The following CUX1 variants were observed in gnomAD, a reference collection of about 807,000 sequenced individuals.
The protein encoded by CUX1 is cut like homeobox 1, also known as protein CASP.
A neutral mutation model predicts 158.8 loss-of-function variants in CUX1; 31 were observed. That is an observed-to-expected ratio of 0.20 (90% confidence interval 0.15 to 0.26). CUX1 has a LOEUF of 0.26. Among genes scored for constraint, CUX1 ranks in the 10% least tolerant of loss-of-function variants. The pLI is 1.00. For synonymous variants in CUX1, 879 were observed against 862.1 expected (o/e 1.02, Z -0.34); for missense variants, 1,589 against 2,014.6 (o/e 0.79, Z 4.04).
At chr7:101,976,814 A>G (rs1264590865) in intron 2 of CUX1, among the ~76,000 whole-genome samples, 3 of 150,912 alleles carry the variant, frequency 2.0e-5, no homozygotes, top group African/African-American at 7.3e-5. Flanking sequence ...AAACAAAAGT[A>G]GCTCCAACTT....
chr7:101,941,390 C>T (rs1213435510), intron 2 of CUX1, among the ~76,000 whole-genome samples: 2 of 152,200 alleles, frequency 1.3e-5, no homozygotes, highest in South Asian at 2.1e-4. Flanking sequence ...GTCTGCTTAG[C>T]GGTAGCTGGA....
At chr7:102,011,645 T>G (rs1818040963) in intron 2 of CUX1, among the ~76,000 whole-genome samples, 1 of 151,368 alleles carries the variant, frequency 6.6e-6, no homozygotes, top group African/African-American at 2.4e-5. Context: ...CCTCCCAAAG[T>G]GCTGAGATTA....
Position 102,201,270 on chromosome 7 carries a change from A to G in CUX1, c.2063-90A>G. The G allele has an allele frequency of 6.5e-7, 1 of 1,532,958 alleles. No homozygotes were observed. Among genetic ancestry groups the G allele is most frequent in the South Asian group, 1.2e-5 (1 of 80,368 alleles). 95.0% of individuals were successfully genotyped at this position (1,532,958 alleles called of 1,614,324 possible). A position where few individuals can be genotyped will look rare whatever the true frequency, so the allele number is the denominator to read the frequency against. ...AGTGTGGTTCTCCCAAATAACCCAC[A>G]CTTTGCAGTAGGTCAAGTTAGGATG... On this transcript the variant is annotated intron_variant, in intron 17 of 23. Transcript: ENST00000292535. The surrounding 1 kb of genome is among the most constrained non-coding windows in gnomAD (Gnocchi z 5.0).
chr7:101,910,034 C>T (rs1350063892), intron 1 of CUX1, among the ~76,000 whole-genome samples: 1 of 152,194 alleles, frequency 6.6e-6, no homozygotes, highest in Non-Finnish European at 1.5e-5. Flanking sequence ...ATTCTCCTGC[C>T]TCAGCCTCTC....
At chr7:101,991,255 A>G (rs1209119194) in intron 2 of CUX1, among the ~76,000 whole-genome samples, 1 of 152,226 alleles carries the variant, frequency 6.6e-6, no homozygotes, top group Non-Finnish European at 1.5e-5. Context: ...GTCCCCCTAC[A>G]CCACCACCGT....
chr7:101,925,938 A>AAAAC (rs140430768), intron 2 of CUX1, among the ~76,000 whole-genome samples: 42 of 151,570 alleles, frequency 2.8e-4, no homozygotes, highest in South Asian at 6.3e-4. Flanking sequence ...CCCCCGTCTC[A>AAAAC]AAACAAACAA....
At chr7:102,009,554 A>G (rs1487529528) in intron 2 of CUX1, among the ~76,000 whole-genome samples, 1 of 152,182 alleles carries the variant, frequency 6.6e-6, no homozygotes, top group Non-Finnish European at 1.5e-5. Flanking sequence ...TGGCCTCCCA[A>G]AGTGTTGAGA....
chr7:102,217,159 G>A (rs1797315307), intron 20 of CUX1, among the ~76,000 whole-genome samples: 1 of 152,228 alleles, frequency 6.6e-6, no homozygotes, highest in Non-Finnish European at 1.5e-5. Flanking sequence ...TGCCCCTGAA[G>A]CAGGGCCATC....
chr7:102,250,429 C>T lies in CUX1; in HGVS notation c.*1387C>T. The T allele has an allele frequency of 4.1e-6, 4 of 985,520 alleles. No individual in the cohort carries two copies. Among genetic ancestry groups the T allele is most frequent in the Non-Finnish European group, 4.8e-6 (4 of 830,008 alleles). The allele number at this position is 985,520 out of a possible 1,614,324, so 61.0% of individuals were successfully genotyped here. A position where few individuals can be genotyped will look rare whatever the true frequency, so the allele number is the denominator to read the frequency against. On this transcript the variant is annotated 3_prime_UTR_variant, in exon 24 of 24. Coordinates refer to ENST00000292535, the MANE Select transcript of CUX1 (RefSeq NM_181552.4). ...GAGCCCTCCCAGGGGAAGACACTCCCCAGGCCTGGGCAGGGCTTACACGCG... is the reference window on the plus strand; with the variant it reads ...GAGCCCTCCCAGGGGAAGACACTCCTCAGGCCTGGGCAGGGCTTACACGCG...
At chr7:102,191,387 C>G (rs1794257566) in intron 12 of CUX1, among the ~76,000 whole-genome samples, 1 of 152,162 alleles carries the variant, frequency 6.6e-6, no homozygotes, top group Non-Finnish European at 1.5e-5. Flanking sequence ...GCATGAGCCA[C>G]CACCCCGGGC....
chr7:102,190,228 C>T (rs188043923), intron 12 of CUX1, among the ~76,000 whole-genome samples: 2 of 152,320 alleles, frequency 1.3e-5, no homozygotes, highest in Non-Finnish European at 2.9e-5. Context: ...GAAATGTTTT[C>T]GGGTTGAAGG....
intron 2 of CUX1, among the ~76,000 whole-genome samples, chr7:101,999,217 CTTTTTTTTTTT>C (rs3988167): frequency 1.2e-5 from 1 of 85,834 alleles, no homozygotes; most frequent in Non-Finnish European, 2.0e-5. Flanking sequence ...TTTTTTTTAC[CTTTTTTTTTTT>C]TTTTTTTTTT....
chr7:102,268,563 ACCTGTCCACCACC>A (rs1181772869), intron 14 of CUX1, among the ~76,000 whole-genome samples: 1 of 152,070 alleles, frequency 6.6e-6, no homozygotes, highest in Non-Finnish European at 1.5e-5. Context: ...CTGTCTCAGG[ACCTGTCCACCACC>A]CCTGATTTTC....
upstream of CUX1, chr7:101,816,114 G>T (rs1302681600): frequency 2.3e-6 from 3 of 1,324,328 alleles, no homozygotes; most frequent in Non-Finnish European, 3.0e-6. Context: ...TCCGCGCTCG[G>T]CCTCGCGCCC....
Position 102,254,080 on chromosome 7 carries a change from C to T in CUX1, c.*5038C>T. On this transcript the variant is annotated 3_prime_UTR_variant, in exon 24 of 24. Transcript: ENST00000292535. The stretch of plus-strand genomic sequence containing the variant: ...TGGTGGGCCGGCTTTGTGTGTCTCT[C>T]CTTTTGTGAGCGCAACACGGACAAA... 16 of 985,458 alleles carry T rather than the reference C, an allele frequency of 1.6e-5. No individual in the cohort carries two copies. The highest frequency in any genetic ancestry group is 1.9e-5 in the Non-Finnish European group (16 of 829,960). The allele number at this position is 985,458 out of a possible 1,614,324, so 61.0% of individuals were successfully genotyped here.
intron 8 of CUX1, among the ~76,000 whole-genome samples, chr7:102,118,714 C>T (rs1197029971): frequency 6.6e-6 from 1 of 152,076 alleles, no homozygotes; most frequent in East Asian, 1.9e-4. Context: ...AATGGGCATA[C>T]CGGAAGTCAA....
rs572575415 is a variant in CUX1 at position 102,080,555 on chromosome 7, C to T, written c.268+10138C>T. Among the ~76,000 whole-genome samples, 6 of 152,280 alleles carry T rather than the reference C, an allele frequency of 3.9e-5. No homozygotes were observed. In the East Asian group the frequency reaches 1.2e-3, roughly 29 times the overall value. ...GGTGGCAGGGGACAGCCCCCATCGC[C>T]CGCAGAGCGCACTGTGCAAACATGA... On this transcript the variant is annotated intron_variant, in intron 4 of 23. Coordinates refer to ENST00000292535, the MANE Select transcript of CUX1 (RefSeq NM_181552.4).
At chr7:102,222,655 G>A (rs1265542389) in intron 20 of CUX1, among the ~76,000 whole-genome samples, 5 of 151,630 alleles carry the variant, frequency 3.3e-5, no homozygotes, top group African/African-American at 1.2e-4. Flanking sequence ...GTCGATATGT[G>A]GGTTGTAGAA....
At chr7:101,846,848 T>G (rs1488896279) in intron 1 of CUX1, among the ~76,000 whole-genome samples, 1 of 152,030 alleles carries the variant, frequency 6.6e-6, no homozygotes, top group East Asian at 1.9e-4. Flanking sequence ...CTTCCTGACA[T>G]GTAGCTAGGT....
Sources: allele counts gnomAD v4.1 joint callset (sites outside exome capture counted in the v4.1 genomes callset), GRCh38; gene constraint gnomAD v4.1.1; non-coding constraint Gnocchi (gnomAD v3.1); transcripts MANE v1.5; gene names NCBI Gene and HGNC (gene_info 2026-07-23, HGNC 2026-07-21).